ANKRD6: variants seen among roughly 807,000 people sequenced by gnomAD.
ANKRD6 encodes ankyrin repeat domain 6.
In ANKRD6, 56 loss-of-function variants were observed where a neutral mutation model predicts 82.3. The observed-to-expected ratio is 0.68, with a 90% confidence interval of 0.55 to 0.85. The LOEUF is 0.85. ANKRD6 is among the 40% of genes least tolerant of loss of function. The probability of loss-of-function intolerance (pLI) is 0.00; values close to 1 mark genes in which losing one functional copy is unlikely to be tolerated. For missense variants in ANKRD6, 852 were observed against 907.6 expected (o/e 0.94, Z 0.79); for synonymous variants, 347 against 352.1 (o/e 0.99, Z 0.16).
intron 1 of ANKRD6, among the ~76,000 whole-genome samples, chr6:89,506,742 C>T (rs547108561): frequency 2.0e-5 from 3 of 152,364 alleles, no homozygotes; most frequent in African/African-American, 4.8e-5. Context: ...CTCTGCTTCA[C>T]TTCCTCCCTA....
intron 1 of ANKRD6, among the ~76,000 whole-genome samples, chr6:89,434,197 T>G (rs1050800879): frequency 2.6e-5 from 4 of 152,176 alleles, no homozygotes; most frequent in Non-Finnish European, 5.9e-5. Flanking sequence ...CTTTAAACCT[T>G]AGTTTTTAGA....
In ANKRD6 at chr6:89,532,695, A is replaced by C. The variant is rs117422524; in HGVS notation, c.-143-34139A>C. Among the ~76,000 whole-genome samples, 542 of 152,002 alleles carry C rather than the reference A, an allele frequency of 3.6e-3. 4 individuals carry two copies. The highest frequency in any genetic ancestry group is 0.014 in the Middle Eastern group (4 of 294). ...GTATTGAAAGCTTACAAGATAGTAA[A>C]TTGATTTTTTTTTCTTTTTTTTTTG... On this transcript the variant is annotated intron_variant, in intron 1 of 15. Coordinates refer to ENST00000339746, the MANE Select transcript of ANKRD6 (RefSeq NM_001242809.2).
chr6:89,445,764 G>A (rs1562517475), intron 1 of ANKRD6, among the ~76,000 whole-genome samples: 1 of 151,650 alleles, frequency 6.6e-6, no homozygotes, highest in Non-Finnish European at 1.5e-5. Flanking sequence ...ATTTTTAGTA[G>A]AGATGGGATT....
rs1299334822 is a variant in ANKRD6, at chr6:89,565,778, A to G, written c.-143-1056A>G. On this transcript the variant is annotated intron_variant, in intron 1 of 15. Transcript: ENST00000339746. ...GGTAGGGTTTGGGTTGAAGGATGGT[A>G]TCTCTGTTGTAGCATTTTCTTTCCA... Among the ~76,000 whole-genome samples the G allele has an allele frequency of 2.0e-5, 3 of 152,142 alleles. No individual in the cohort carries two copies. In the East Asian group the frequency reaches 5.8e-4, roughly 29 times the overall value.
At chr6:89,508,226 T>A (rs1007673158) in intron 1 of ANKRD6, among the ~76,000 whole-genome samples, 1 of 152,198 alleles carries the variant, frequency 6.6e-6, no homozygotes, top group Non-Finnish European at 1.5e-5. Context: ...TCAAGGTCCC[T>A]TGTGAGGTTG....
intron 1 of ANKRD6, among the ~76,000 whole-genome samples, chr6:89,528,044 C>T (rs1466309994): frequency 6.6e-6 from 1 of 152,174 alleles, no homozygotes; most frequent in Non-Finnish European, 1.5e-5. Flanking sequence ...CTTCTGGGCT[C>T]AAGCAATCCT....
intron 1 of ANKRD6, among the ~76,000 whole-genome samples, chr6:89,531,168 G>T (rs1783096888): frequency 6.6e-6 from 1 of 152,202 alleles, no homozygotes; most frequent in South Asian, 2.1e-4. Flanking sequence ...GCCAGTGCGC[G>T]GAAGGTGCGC....
chr6:89,626,451 A>G (rs1264748397), intron 13 of ANKRD6, among the ~76,000 whole-genome samples: 1 of 152,214 alleles, frequency 6.6e-6, no homozygotes, highest in Non-Finnish European at 1.5e-5. Flanking sequence ...TCTTGAAAAC[A>G]GCCACCTGGA....
chr6:89,483,049 A>G (rs2127812149), intron 1 of ANKRD6, among the ~76,000 whole-genome samples: 1 of 152,328 alleles, frequency 6.6e-6, no homozygotes, highest in Admixed American at 6.5e-5. Flanking sequence ...GCAAGATGTA[A>G]CATGCTTCTC....
intron 1 of ANKRD6, among the ~76,000 whole-genome samples, chr6:89,471,108 G>A (rs1474979865): frequency 6.6e-6 from 1 of 151,942 alleles, no homozygotes; most frequent in African/African-American, 2.4e-5. Context: ...GGGGACCTGA[G>A]CCTAAATAAT....
At chr6:89,533,725 TGA>T (rs1286781569) in intron 1 of ANKRD6, among the ~76,000 whole-genome samples, 3 of 102,086 alleles carry the variant, frequency 2.9e-5, no homozygotes, top group Non-Finnish European at 6.2e-5. Context: ...AGAGAGAAAA[TGA>T]GTGTGTGTGT....
chr6:89,506,955 A>C (rs539001606), intron 1 of ANKRD6, among the ~76,000 whole-genome samples: 70 of 152,362 alleles, frequency 4.6e-4, no homozygotes, highest in African/African-American at 1.6e-3. Flanking sequence ...ATGTGTTGGC[A>C]TTGGCCAGTG....
At chr6:89,625,737 CTT>C (rs370616881) in intron 13 of ANKRD6, among the ~76,000 whole-genome samples, 50 of 140,100 alleles carry the variant, frequency 3.6e-4, no homozygotes, top group Middle Eastern at 3.8e-3. Context: ...TTTGTTACAA[CTT>C]TTTTTTTTTT....
At chr6:89,478,213 G>T (rs1343714151) in intron 1 of ANKRD6, 1 of 152,204 alleles carries the variant, frequency 6.6e-6, no homozygotes, top group East Asian at 1.9e-4. Context: ...CTTGAACCCA[G>T]GGGTTCTGGG....
At chr6:89,526,414 G>T (rs1274233359) in intron 1 of ANKRD6, among the ~76,000 whole-genome samples, 1 of 152,168 alleles carries the variant, frequency 6.6e-6, no homozygotes, top group African/African-American at 2.4e-5. Context: ...TCTCAAGAAA[G>T]AGTAACAGCA....
At chr6:89,531,028 A>G (rs1387745065) in intron 1 of ANKRD6, among the ~76,000 whole-genome samples, 1 of 152,240 alleles carries the variant, frequency 6.6e-6, no homozygotes, top group Admixed American at 6.5e-5. Context: ...GGCAGGCATT[A>G]TTATCCCCAG....
chr6:89,626,469 G>A (rs1025104501), intron 13 of ANKRD6, among the ~76,000 whole-genome samples: 1 of 152,222 alleles, frequency 6.6e-6, no homozygotes, highest in Admixed American at 6.5e-5. Context: ...GGAGGAAGAG[G>A]TTAAGGGAGT....
intron 1 of ANKRD6, among the ~76,000 whole-genome samples, chr6:89,544,063 C>T (rs1784743709): frequency 6.6e-6 from 1 of 152,200 alleles, no homozygotes; most frequent in African/African-American, 2.4e-5. Context: ...CTCACAGATG[C>T]ACTTATCCCT....
At chr6:89,623,808 C>T in intron 11 of ANKRD6, 64 bp from the exon 12 acceptor site, 2 of 1,515,276 alleles carry the variant, frequency 1.3e-6, no homozygotes, top group Non-Finnish European at 1.8e-6. Context: ...ATGGGCGCCA[C>T]CGACTGGTGT....
Sources: gnomAD v4.1 joint callset for allele counts (sites outside exome capture counted in the v4.1 genomes callset) on GRCh38, gnomAD v4.1.1 for gene constraint, MANE v1.5 for transcripts, NCBI Gene and HGNC (gene_info 2026-07-23, HGNC 2026-07-21) for gene names.